The following PCDHA2 variants were observed in gnomAD, a reference collection of about 807,000 sequenced individuals.
PCDHA2 encodes the protein protocadherin alpha-2.
In PCDHA2, 58 loss-of-function variants were observed where a neutral mutation model predicts 66.0. The ratio of observed to expected loss-of-function variants is 0.88; its 90% CI spans 0.71 to 1.09. PCDHA2 has a LOEUF of 1.09. Among genes scored for constraint, PCDHA2 ranks in the 50% least tolerant of loss-of-function variants. PCDHA2 has a pLI of 0.00. For missense variants in PCDHA2, 1,267 were observed against 1,242.3 expected (o/e 1.02, Z -0.30); for synonymous variants, 634 against 554.0 (o/e 1.14, Z -2.03).
chr5:140,852,798 T>A, intron 1 of PCDHA2: 1 of 976,860 alleles, frequency 1.0e-6, no homozygotes, highest in Non-Finnish European at 1.2e-6. Context: ...GCTACAGATG[T>A]CATTTGTCTC....
At chr5:140,999,240 G>A (rs193018375) in intron 3 of PCDHA2, among the ~76,000 whole-genome samples, 1 of 152,340 alleles carries the variant, frequency 6.6e-6, no homozygotes, top group Non-Finnish European at 1.5e-5. Context: ...GGTGGTTAAA[G>A]TGGGAGTTGG....
chr5:140,941,619 C>T (rs1300512502), intron 1 of PCDHA2, among the ~76,000 whole-genome samples: 1 of 151,848 alleles, frequency 6.6e-6, no homozygotes, highest in African/African-American at 2.4e-5. Flanking sequence ...CCAGCCCATC[C>T]TGCTTCTTAA....
chr5:140,961,385 T>G (rs1480607533), intron 1 of PCDHA2, among the ~76,000 whole-genome samples: 3 of 152,204 alleles, frequency 2.0e-5, no homozygotes, highest in Non-Finnish European at 4.4e-5. Flanking sequence ...GTTTGAACTA[T>G]TCCATTAGTA....
rs139533789 is a variant in PCDHA2, at chr5:140,857,716, C to T, written c.2388+60364C>T. On this transcript the variant is annotated intron_variant, in intron 1 of 3. Coordinates refer to ENST00000526136, the MANE Select transcript of PCDHA2 (RefSeq NM_018905.3). Reference sequence around the variant, plus strand: ...TGACGCTGCAGGTGTTCGTGCTGGACGAGAACGACAACGCTCCCGCGCTGC... The same window carrying T: ...TGACGCTGCAGGTGTTCGTGCTGGATGAGAACGACAACGCTCCCGCGCTGC... 4,225 of 1,597,384 alleles carry T rather than the reference C, an allele frequency of 2.6e-3. 332 individuals are homozygous for T. The highest frequency in any genetic ancestry group is 8.2e-3 in the Middle Eastern group (46 of 5,608).
In PCDHA2 at chr5:140,830,129, T is replaced by A. The variant is rs2150181526; in HGVS notation, c.2388+32777T>A. 13 of 1,613,250 alleles carry A rather than the reference T, an allele frequency of 8.1e-6. No homozygotes were observed. In the African/African-American group the frequency reaches 1.7e-4, roughly 22 times the overall value. On this transcript the variant is annotated intron_variant, in intron 1 of 3. Transcript: ENST00000526136. ...GAGTGGCCAGGCTCCAAAGGCGTCA[T>A]CACGGGCGTCGGTGGGCGCCGCGGG...
chr5:140,884,450 AC>A, intron 1 of PCDHA2: 1 of 1,613,762 alleles, frequency 6.2e-7, no homozygotes, highest in Non-Finnish European at 8.5e-7. Context: ...GGCACCGCCC[AC>A]CGAGGGCGCG....
chr5:141,001,520 C>G (rs542518188), intron 3 of PCDHA2, among the ~76,000 whole-genome samples: 1 of 152,300 alleles, frequency 6.6e-6, no homozygotes, highest in South Asian at 2.1e-4. Flanking sequence ...CTTTCTCCCT[C>G]TCTCTCTGAT....
At chr5:140,834,594 C>T (rs1383001934) in intron 1 of PCDHA2, 10 of 1,613,990 alleles carry the variant, frequency 6.2e-6, no homozygotes, top group African/African-American at 4.0e-5. Flanking sequence ...GTGCAAATTC[C>T]GTGGGGATCT....
At chr5:140,852,771 G>A (rs1284369835) in intron 1 of PCDHA2, 2 of 980,778 alleles carry the variant, frequency 2.0e-6, no homozygotes, top group African/African-American at 3.5e-5. Context: ...CTGATTATTT[G>A]ATGTGAATAG....
Position 140,796,797 on chromosome 5 carries a change from T to A in PCDHA2, c.1833T>A (p.Leu611=). Residue 611 remains leucine, a synonymous_variant, in exon 1 of 4, where the codon CTT becomes CTA. Transcript: ENST00000526136. ...SGYNAWLSYE[L]QLGTGSARIP... ...ACAACGCGTGGCTTTCGTACGAGCT[T>A]CAGCTGGGTACTGGCAGCGCTCGCA... 6.2e-7 allele frequency: 1 copy of A among 1,614,094 alleles called. No individual in the cohort carries two copies. The highest frequency in any genetic ancestry group is 1.7e-5 in the Admixed American group (1 of 60,028).
intron 1 of PCDHA2, among the ~76,000 whole-genome samples, chr5:140,922,582 G>A (rs548638056): frequency 2.6e-5 from 4 of 152,276 alleles, no homozygotes; most frequent in Non-Finnish European, 4.4e-5. Context: ...CCCTGTAGCC[G>A]CCAGTTCTCA....
In PCDHA2 at chr5:140,842,887, G is replaced by T; in HGVS notation, c.2388+45535G>T. On this transcript the variant is annotated intron_variant, in intron 1 of 3. Coordinates refer to ENST00000526136, the MANE Select transcript of PCDHA2 (RefSeq NM_018905.3). ...GCGGCAAGGTGTACGCGCTGCAGCC[G>T]CTGGACCACGAGGAGCTAGAGCTGC... The T allele has an allele frequency of 7.5e-6, 12 of 1,594,194 alleles. 3 individuals are homozygous for T. The highest frequency in any genetic ancestry group is 1.1e-5 in the South Asian group (1 of 90,454).
intron 1 of PCDHA2, chr5:140,857,594 G>T (rs1554150300): frequency 6.3e-7 from 1 of 1,596,514 alleles, no homozygotes; most frequent in Admixed American, 1.7e-5. Context: ...GAGCGGCAAG[G>T]TGTACGCGCT....
At chr5:140,804,977 T>G in intron 1 of PCDHA2, 8 of 1,501,798 alleles carry the variant, frequency 5.3e-6, no homozygotes, top group Non-Finnish European at 6.2e-6. Context: ...AGTGTGTCCA[T>G]CTCAGGTCAG....
chr5:140,964,560 TGGGAGGAGATAAG>T (rs2095840156), intron 1 of PCDHA2, among the ~76,000 whole-genome samples: 1 of 152,082 alleles, frequency 6.6e-6, no homozygotes, highest in Admixed American at 6.6e-5. Context: ...CTTGGAGGGC[TGGGAGGAGATAAG>T]GGGAGGAAAG....
chr5:140,936,846 T>C (rs1385625641), intron 1 of PCDHA2, among the ~76,000 whole-genome samples: 1 of 152,206 alleles, frequency 6.6e-6, no homozygotes, highest in Non-Finnish European at 1.5e-5. Context: ...AATTGTAGAT[T>C]CAGCTTCTCA....
At chr5:140,998,754 C>T (rs2097832847) in intron 3 of PCDHA2, among the ~76,000 whole-genome samples, 1 of 152,056 alleles carries the variant, frequency 6.6e-6, no homozygotes, top group African/African-American at 2.4e-5. Context: ...AGAAGAGACA[C>T]AGTTTCACTA....
chr5:140,966,113 A>T (rs1224729629), intron 1 of PCDHA2: 1 of 155,768 alleles, frequency 6.4e-6, no homozygotes, highest in African/African-American at 2.4e-5. Flanking sequence ...GGGTGCCCAT[A>T]CTTAGCTAAG....
At chr5:140,959,285 G>A (rs2095478960) in intron 1 of PCDHA2, among the ~76,000 whole-genome samples, 1 of 152,002 alleles carries the variant, frequency 6.6e-6, no homozygotes, top group African/African-American at 2.4e-5. Flanking sequence ...CCTGAGGTGG[G>A]AGCATCACTG....
Sources: gnomAD v4.1 joint callset for allele counts (sites outside exome capture counted in the v4.1 genomes callset) on GRCh38, gnomAD v4.1.1 for gene constraint, MANE v1.5 for transcripts, NCBI Gene and HGNC (gene_info 2026-07-23, HGNC 2026-07-21) for gene names.